Variants in DLGAP1 observed in about 807,000 individuals in gnomAD.
DLGAP1 encodes the protein DLG associated protein 1.
Under a neutral mutation model 90.8 loss-of-function variants are expected in DLGAP1, and 11 were observed. The ratio of observed to expected loss-of-function variants is 0.12; its 90% CI spans 0.08 to 0.20. DLGAP1 has a LOEUF of 0.20. Among genes scored for constraint, DLGAP1 ranks in the 10% least tolerant of loss-of-function variants. The probability of loss-of-function intolerance (pLI) is 1.00; values close to 1 mark genes in which losing one functional copy is unlikely to be tolerated. For missense variants in DLGAP1, 1,050 were observed against 1,333.8 expected (o/e 0.79, Z 3.31); for synonymous variants, 558 against 540.7 (o/e 1.03, Z -0.44).
intron 6 of DLGAP1, among the ~76,000 whole-genome samples, chr18:3,738,303 G>A (rs2062746107): frequency 6.8e-6 from 1 of 146,282 alleles, no homozygotes; most frequent in Non-Finnish European, 1.5e-5. Context: ...CAAAAAAAGA[G>A]CCCGCATCGC....
intron 1 of DLGAP1, among the ~76,000 whole-genome samples, chr18:4,313,382 T>G (rs901257162): frequency 2.6e-5 from 4 of 152,192 alleles, no homozygotes; most frequent in Admixed American, 2.0e-4. Flanking sequence ...AATGGCTACC[T>G]GTTTGAGGAG....
chr18:3,893,556 G>A lies in DLGAP1; in HGVS notation c.-72-13416C>T, dbSNP rs28794483. Among the ~76,000 whole-genome samples, 911 of 149,924 alleles carry A rather than the reference G, an allele frequency of 6.1e-3. 10 individuals carry two copies. Among genetic ancestry groups the A allele is most frequent in the African/African-American group, 0.021 (861 of 40,682 alleles). ...ATTGCACCACTGCACTCCAGCCTGGGCGACAAGAGCAAAACTCAATCTCAA... is the reference window on the plus strand; with the variant it reads ...ATTGCACCACTGCACTCCAGCCTGGACGACAAGAGCAAAACTCAATCTCAA... On this transcript the variant is annotated intron_variant, in intron 3 of 12. Coordinates refer to ENST00000315677, the MANE Select transcript of DLGAP1 (RefSeq NM_004746.4).
intron 2 of DLGAP1, among the ~76,000 whole-genome samples, chr18:4,012,146 C>T (rs527534616): frequency 6.6e-6 from 1 of 152,122 alleles, no homozygotes; most frequent in Non-Finnish European, 1.5e-5. Flanking sequence ...AGTGCCATGC[C>T]CACCTCTCCT....
At chr18:4,038,903 G>C (rs142841119) in intron 2 of DLGAP1, among the ~76,000 whole-genome samples, 1 of 152,128 alleles carries the variant, frequency 6.6e-6, no homozygotes, top group African/African-American at 2.4e-5. Context: ...TTTATTCTCT[G>C]ACAGTTCTGA....
At chr18:4,395,431 AT>A (rs2082419899) in intron 1 of DLGAP1, among the ~76,000 whole-genome samples, 1 of 152,118 alleles carries the variant, frequency 6.6e-6, no homozygotes, top group Non-Finnish European at 1.5e-5. Flanking sequence ...TAAAATTATT[AT>A]TTCTAGCATC....
At chr18:4,280,244 T>C (rs2079518338) in intron 1 of DLGAP1, among the ~76,000 whole-genome samples, 1 of 152,206 alleles carries the variant, frequency 6.6e-6, no homozygotes, top group Non-Finnish European at 1.5e-5. Context: ...TTTTAATAAA[T>C]CTACCCACCC....
chr18:4,178,526 T>C (rs886249163), intron 1 of DLGAP1, among the ~76,000 whole-genome samples: 2 of 152,196 alleles, frequency 1.3e-5, no homozygotes, highest in African/African-American at 2.4e-5. Context: ...TAGTGACTAG[T>C]ATGGTGCTTC....
At chr18:4,403,849 T>TTAAGTAATTAAG (rs1188500600) in intron 1 of DLGAP1, among the ~76,000 whole-genome samples, 1 of 152,192 alleles carries the variant, frequency 6.6e-6, no homozygotes, top group Non-Finnish European at 1.5e-5. Context: ...GGTTTCACAC[T>TTAAGTAATTAAG]TAAGTAATTA....
At chr18:4,117,692 G>A (rs968973084) in intron 2 of DLGAP1, among the ~76,000 whole-genome samples, 1 of 152,104 alleles carries the variant, frequency 6.6e-6, no homozygotes, top group African/African-American at 2.4e-5. Flanking sequence ...ATTTTGTGAC[G>A]GACTACTAGC....
intron 1 of DLGAP1, among the ~76,000 whole-genome samples, chr18:4,369,296 C>T (rs34222900): frequency 0.14 from 20,747 of 151,652 alleles, 1,656 homozygotes; most frequent in African/African-American, 0.23. Flanking sequence ...TATGAGTGTG[C>T]GTGTGTGTGT....
In DLGAP1 at chr18:4,260,328, A is replaced by G. The variant is rs570560228; in HGVS notation, c.-266-109041T>C. Among the ~76,000 whole-genome samples the G allele has an allele frequency of 1.7e-3, 258 of 152,348 alleles. 2 individuals are homozygous for G. Among genetic ancestry groups the G allele is most frequent in the Non-Finnish European group, 3.2e-3 (218 of 68,032 alleles). ...AGGCAAAGCAAATATTTGAGGGGTTACAGTTATACAGTTACCTTACCATGC... is the reference window on the plus strand; with the variant it reads ...AGGCAAAGCAAATATTTGAGGGGTTGCAGTTATACAGTTACCTTACCATGC... On this transcript the variant is annotated intron_variant, in intron 1 of 12. Transcript: ENST00000315677.
intron 1 of DLGAP1, among the ~76,000 whole-genome samples, chr18:4,256,842 C>G (rs1226492768): frequency 6.6e-6 from 1 of 152,018 alleles, no homozygotes; most frequent in African/African-American, 2.4e-5. Flanking sequence ...CCTCGATAGC[C>G]TGAGGGTACA....
At chr18:3,527,507 C>T (rs2051719270) in intron 10 of DLGAP1, among the ~76,000 whole-genome samples, 1 of 134,580 alleles carries the variant, frequency 7.4e-6, no homozygotes, top group African/African-American at 2.8e-5. Flanking sequence ...TGAACATGAA[C>T]ATGGTTGTTC....
chr18:3,670,185 G>A (rs1051045758), intron 7 of DLGAP1, among the ~76,000 whole-genome samples: 2 of 152,214 alleles, frequency 1.3e-5, no homozygotes, highest in Non-Finnish European at 2.9e-5. Flanking sequence ...GTCTTTTGAA[G>A]TGTAAGTGTG....
chr18:4,358,059 T>C (rs1167386988), intron 1 of DLGAP1, among the ~76,000 whole-genome samples: 1 of 152,206 alleles, frequency 6.6e-6, no homozygotes, highest in Non-Finnish European at 1.5e-5. Context: ...GCATAAACCG[T>C]TCACTCAACA....
chr18:4,246,041 C>T (rs2078646674), intron 1 of DLGAP1, among the ~76,000 whole-genome samples: 1 of 152,168 alleles, frequency 6.6e-6, no homozygotes, highest in South Asian at 2.1e-4. Context: ...GGAAACAAAC[C>T]TTCCCTATAC....
rs188258927 is a variant in DLGAP1 at position 4,279,024 on chromosome 18, T to A, written c.-266-127737A>T. ...TGAACACTAGTGGAATGTGTCTATT[T>A]TCTGGCTGAGAGAAGCAAAAATCAT... On this transcript the variant is annotated intron_variant, in intron 1 of 12. Coordinates refer to ENST00000315677, the MANE Select transcript of DLGAP1 (RefSeq NM_004746.4). Among the ~76,000 whole-genome samples, 457 of 152,352 alleles carry A rather than the reference T, an allele frequency of 3.0e-3. 3 individuals carry two copies. Among genetic ancestry groups the A allele is most frequent in the African/African-American group, 0.011 (448 of 41,578 alleles).
intron 2 of DLGAP1, among the ~76,000 whole-genome samples, chr18:4,086,238 C>T (rs1162984391): frequency 6.6e-6 from 1 of 152,224 alleles, no homozygotes; most frequent in East Asian, 1.9e-4. Context: ...CAAAAGGCAT[C>T]CCAAAAGAGC....
chr18:4,130,038 T>A (rs554715512), intron 2 of DLGAP1, among the ~76,000 whole-genome samples: 1 of 152,176 alleles, frequency 6.6e-6, no homozygotes, highest in Non-Finnish European at 1.5e-5. Context: ...CTTTTCACCA[T>A]GTCCAAACCT....
Sources: allele counts gnomAD v4.1 joint callset (sites outside exome capture counted in the v4.1 genomes callset), GRCh38; gene constraint gnomAD v4.1.1; transcripts MANE v1.5; gene names NCBI Gene and HGNC (gene_info 2026-07-23, HGNC 2026-07-21).